Variants in UBE2H observed in about 807,000 individuals in gnomAD.
The protein encoded by UBE2H is ubiquitin-conjugating enzyme E2 H.
A neutral mutation model predicts 29.0 loss-of-function variants in UBE2H; 3 were observed. That is an observed-to-expected ratio of 0.10 (90% CI 0.05 to 0.27). UBE2H has a LOEUF of 0.27. UBE2H is among the 10% of genes least tolerant of loss of function. The probability of loss-of-function intolerance (pLI) is 1.00; values close to 1 mark genes in which losing one functional copy is unlikely to be tolerated. For missense variants in UBE2H, 68 were observed against 228.2 expected (o/e 0.30, Z 4.52); for synonymous variants, 69 against 82.9 (o/e 0.83, Z 0.91).
At chr7:129,838,304 CCT>C (rs1805367070) in intron 6 of UBE2H, among the ~76,000 whole-genome samples, 1 of 152,100 alleles carries the variant, frequency 6.6e-6, no homozygotes, top group African/African-American at 2.4e-5. Context: ...ATGAATAGTC[CCT>C]GTTTGCCTCA....
intron 1 of UBE2H, among the ~76,000 whole-genome samples, chr7:129,922,967 T>C (rs1463548581): frequency 2.0e-5 from 3 of 152,090 alleles, no homozygotes; most frequent in Admixed American, 6.6e-5. Context: ...AGTGGCATGA[T>C]CTCGGCTCAC....
At chr7:129,943,097 C>A (rs1252596058) in intron 1 of UBE2H, among the ~76,000 whole-genome samples, 2 of 152,316 alleles carry the variant, frequency 1.3e-5, no homozygotes, top group African/African-American at 4.8e-5. Context: ...CCCACCTCAG[C>A]CTCCCAAAGT....
chr7:129,839,363 A>G lies in UBE2H; in HGVS notation c.299-28T>C, dbSNP rs902042539. 7 of 1,610,584 alleles carry G rather than the reference A, an allele frequency of 4.3e-6. No homozygotes were observed. In the East Asian group the frequency reaches 1.6e-4, roughly 36 times the overall value. On this transcript the variant is annotated intron_variant, in intron 5 of 6. Transcript: ENST00000355621. ...GAAAAACCAAACAAACATGTCACACATGGGAAATGCAAGTTCACCTAAAAT... is the reference window on the plus strand; with the variant it reads ...GAAAAACCAAACAAACATGTCACACGTGGGAAATGCAAGTTCACCTAAAAT...
chr7:129,864,440 G>A (rs1315193825), intron 3 of UBE2H, among the ~76,000 whole-genome samples: 1 of 152,132 alleles, frequency 6.6e-6, no homozygotes, highest in Non-Finnish European at 1.5e-5. Context: ...GATATTTTAA[G>A]AGAACATATT....
At chr7:129,883,160 A>C (rs1230606030) in intron 1 of UBE2H, among the ~76,000 whole-genome samples, 2 of 152,274 alleles carry the variant, frequency 1.3e-5, no homozygotes, top group Admixed American at 6.5e-5. Flanking sequence ...TCTAGTGTTC[A>C]GTGGAGTACG....
chr7:129,867,723 C>CAAAA (rs1563027569), intron 3 of UBE2H, among the ~76,000 whole-genome samples: 2 of 65,566 alleles, frequency 3.1e-5, no homozygotes, highest in Non-Finnish European at 5.4e-5. Flanking sequence ...AAAAAGAAAA[C>CAAAA]CAAAAAAAAA....
chr7:129,856,783 A>G (rs1218937156), intron 5 of UBE2H, among the ~76,000 whole-genome samples: 1 of 152,218 alleles, frequency 6.6e-6, no homozygotes, highest in African/African-American at 2.4e-5. Flanking sequence ...CTAGCCCTCC[A>G]TGTCAGTGGG....
intron 3 of UBE2H, among the ~76,000 whole-genome samples, chr7:129,862,416 A>T (rs1805819611): frequency 6.6e-6 from 1 of 152,320 alleles, no homozygotes; most frequent in East Asian, 1.9e-4. Flanking sequence ...ACTTAAGGGG[A>T]AATACCTGTA....
At chr7:129,894,315 A>T in intron 1 of UBE2H, among the ~76,000 whole-genome samples, 1 of 152,020 alleles carries the variant, frequency 6.6e-6, no homozygotes, top group East Asian at 1.9e-4. Flanking sequence ...TTAGCTGGGC[A>T]TGGTGGCATG....
intron 1 of UBE2H, among the ~76,000 whole-genome samples, chr7:129,911,762 C>A (rs921045555): frequency 6.6e-6 from 1 of 152,048 alleles, no homozygotes; most frequent in African/African-American, 2.4e-5. Context: ...CTCAGCCTCC[C>A]GAGTAGCTAT....
intron 3 of UBE2H, among the ~76,000 whole-genome samples, chr7:129,863,270 T>G (rs544981453): frequency 2.0e-5 from 3 of 152,342 alleles, no homozygotes; most frequent in East Asian, 3.9e-4. Context: ...GTGCCCCTGC[T>G]AAGTACAGAA....
rs569897931 is a variant in UBE2H, at chr7:129,901,698, G to A, written c.54-20727C>T. Among the ~76,000 whole-genome samples, 8 of 152,184 alleles carry A rather than the reference G, an allele frequency of 5.3e-5. No homozygotes were observed. In the East Asian group the frequency reaches 1.2e-3, roughly 22 times the overall value. The stretch of plus-strand genomic sequence containing the variant: ...CAACCTCTGCCTCCCGGGTTCAAGC[G>A]ATTCTCCTGCCTCAGCCTCCTGAAT... On this transcript the variant is annotated intron_variant, in intron 1 of 6. Coordinates refer to ENST00000355621, the MANE Select transcript of UBE2H (RefSeq NM_003344.4).
At chr7:129,846,484 T>C (rs1322263482) in intron 5 of UBE2H, among the ~76,000 whole-genome samples, 6 of 151,920 alleles carry the variant, frequency 3.9e-5, no homozygotes, top group African/African-American at 1.5e-4. Context: ...CAGGGGCAGG[T>C]GGATGGGTCG....
intron 1 of UBE2H, among the ~76,000 whole-genome samples, chr7:129,946,392 G>A (rs1456646172): frequency 6.6e-6 from 1 of 152,088 alleles, no homozygotes; most frequent in Non-Finnish European, 1.5e-5. Flanking sequence ...AAAAACAGTT[G>A]CAAAAATATT....
At chr7:129,910,936 A>T (rs1297544521) in intron 1 of UBE2H, among the ~76,000 whole-genome samples, 1 of 152,148 alleles carries the variant, frequency 6.6e-6, no homozygotes, top group African/African-American at 2.4e-5. Context: ...GATGAAAGGC[A>T]GACTGGAAGG....
chr7:129,864,109 T>C (rs1369786954), intron 3 of UBE2H, among the ~76,000 whole-genome samples: 1 of 152,218 alleles, frequency 6.6e-6, no homozygotes, highest in Non-Finnish European at 1.5e-5. Context: ...GCTTAATTGT[T>C]AGAAAAATAT....
chr7:129,854,060 G>GTTTTTTTTTTTTTTTTTTTTTT (rs56362841), intron 5 of UBE2H, among the ~76,000 whole-genome samples: 1 of 100,308 alleles, frequency 1.0e-5, no homozygotes, highest in Non-Finnish European at 2.0e-5. Flanking sequence ...TTTAGTGTTA[G>GTTTTTTTTTTTTTTTTTTTTTT]TTTTTTTTTT....
chr7:129,911,237 A>T (rs1255121380), intron 1 of UBE2H, among the ~76,000 whole-genome samples: 2 of 151,916 alleles, frequency 1.3e-5, no homozygotes, highest in African/African-American at 4.8e-5. Context: ...GCATGGTGGC[A>T]CACACCTGTA....
chr7:129,949,035 G>T (rs1203928245), intron 1 of UBE2H: 1 of 456,482 alleles, frequency 2.2e-6, no homozygotes, highest in Admixed American at 2.4e-5. Context: ...GCTGAGGAGC[G>T]GTGCCTGCGG....
Sources: allele counts gnomAD v4.1 joint callset (sites outside exome capture counted in the v4.1 genomes callset), GRCh38; gene constraint gnomAD v4.1.1; transcripts MANE v1.5; gene names NCBI Gene and HGNC (gene_info 2026-07-23, HGNC 2026-07-21).